Variants in RBBP8 observed in about 807,000 individuals in gnomAD.
RBBP8 encodes the protein DNA endonuclease RBBP8.
RBBP8 carries 88 observed loss-of-function variants against 108.3 expected under a neutral mutation model. That is an observed-to-expected ratio of 0.81 (90% CI 0.68 to 0.97). The LOEUF (loss-of-function observed/expected upper bound fraction) is 0.97. Among genes scored for constraint, RBBP8 ranks in the 50% least tolerant of loss-of-function variants. The probability of loss-of-function intolerance (pLI) is 0.00; values close to 1 mark genes in which losing one functional copy is unlikely to be tolerated. For missense variants in RBBP8, 1,023 were observed against 1,049.0 expected (o/e 0.98, Z 0.34); for synonymous variants, 332 against 348.2 (o/e 0.95, Z 0.52).
At chr18:22,986,255 G>C (rs966339720) in intron 8 of RBBP8, among the ~76,000 whole-genome samples, 4 of 152,148 alleles carry the variant, frequency 2.6e-5, no homozygotes, top group African/African-American at 9.7e-5. Flanking sequence ...AAGCCAAGTG[G>C]AGAGAGGACG....
At chr18:22,951,467 A>G (rs934827388) in intron 4 of RBBP8, among the ~76,000 whole-genome samples, 1 of 151,518 alleles carries the variant, frequency 6.6e-6, no homozygotes, top group African/African-American at 2.4e-5. Context: ...ATCTGTGTAG[A>G]AAAAAAAACC....
chr18:23,001,763 A>G, intron 15 of RBBP8, 34 bp downstream of exon 15: 1 of 1,612,194 alleles, frequency 6.2e-7, no homozygotes, highest in Non-Finnish European at 8.5e-7. Flanking sequence ...ATGGCTTCTC[A>G]GTTGCAGAAT....
At chr18:22,972,574 C>T (rs753582317) in intron 5 of RBBP8, among the ~76,000 whole-genome samples, 10 of 151,730 alleles carry the variant, frequency 6.6e-5, no homozygotes, top group Non-Finnish European at 1.2e-4. Flanking sequence ...CGACCACGCC[C>T]GACTAATTTT....
At chr18:22,993,945 A>G (rs2045798736) in intron 12 of RBBP8, 98 bp downstream of exon 12, 2 of 1,319,012 alleles carry the variant, frequency 1.5e-6, no homozygotes, top group Non-Finnish European at 2.1e-6. Flanking sequence ...TTGGAAAAAA[A>G]CTTATTTCTT....
chr18:22,922,944 A>G (rs56047693), intron 3 of RBBP8, among the ~76,000 whole-genome samples: 25,551 of 152,140 alleles, frequency 0.17, 2,717 homozygotes, highest in African/African-American at 0.31. Context: ...ATGTAAATCA[A>G]GATAATACAT....
chr18:23,001,449 A>AT, intron 14 of RBBP8, 137 bp from the exon 15 acceptor site: 1 of 993,748 alleles, frequency 1.0e-6, no homozygotes, highest in Admixed American at 1.9e-5. Flanking sequence ...TATAATCCAT[A>AT]TTTTAACAAC....
chr18:23,012,834 G>A (rs887769221), intron 16 of RBBP8, among the ~76,000 whole-genome samples: 3 of 152,174 alleles, frequency 2.0e-5, no homozygotes, highest in Non-Finnish European at 4.4e-5. Flanking sequence ...TAACTAGAGA[G>A]GAGAAACCAG....
chr18:23,005,391 A>G (rs182631486), intron 15 of RBBP8, among the ~76,000 whole-genome samples: 249 of 152,276 alleles, frequency 1.6e-3, no homozygotes, highest in African/African-American at 5.6e-3. Flanking sequence ...ATCACACTGT[A>G]TAAAGATGTA....
intron 12 of RBBP8, among the ~76,000 whole-genome samples, 167 bp downstream of exon 12, chr18:22,994,014 C>CTTTTTGTTTTT (rs2045801399): frequency 1.3e-5 from 1 of 75,102 alleles, no homozygotes; most frequent in African/African-American, 5.6e-5. Flanking sequence ...TTTTTCTGTT[C>CTTTTTGTTTTT]TTTTTTTTTT....
intron 2 of RBBP8, among the ~76,000 whole-genome samples, chr18:22,942,463 C>G (rs908130481): frequency 2.6e-5 from 4 of 152,036 alleles, no homozygotes; most frequent in Non-Finnish European, 4.4e-5. Flanking sequence ...ACAAAATGCT[C>G]TAATTTCTGT....
chr18:22,939,611 T>C (rs928130793), intron 2 of RBBP8, among the ~76,000 whole-genome samples: 1 of 152,120 alleles, frequency 6.6e-6, no homozygotes, highest in Non-Finnish European at 1.5e-5. Flanking sequence ...AGTTTTGAAA[T>C]ATGAACAACC....
At chr18:23,001,768 C>G in intron 15 of RBBP8, 39 bp downstream of exon 15, 1 of 1,609,166 alleles carries the variant, frequency 6.2e-7, no homozygotes, top group Non-Finnish European at 8.5e-7. Context: ...TTCTCAGTTG[C>G]AGAATTCAGT....
At chr18:22,983,258 CGG>C (rs1167813357) in intron 7 of RBBP8, among the ~76,000 whole-genome samples, 1 of 152,074 alleles carries the variant, frequency 6.6e-6, no homozygotes, top group African/African-American at 2.4e-5. Context: ...GCATGGGGGA[CGG>C]GGGATATATA....
intron 6 of RBBP8, among the ~76,000 whole-genome samples, chr18:22,980,965 C>CTT (rs1167377654): frequency 0.035 from 2,392 of 69,128 alleles, 589 homozygotes; most frequent in East Asian, 0.091. Context: ...CCACTTATGT[C>CTT]TTTTTTTTTT....
At chr18:22,970,037 G>C (rs944843851) in intron 5 of RBBP8, among the ~76,000 whole-genome samples, 2 of 152,166 alleles carry the variant, frequency 1.3e-5, no homozygotes, top group African/African-American at 4.8e-5. Flanking sequence ...CTTATATAAA[G>C]TCACATAGTA....
At chr18:22,970,710 A>G (rs1244968333) in intron 5 of RBBP8, among the ~76,000 whole-genome samples, 1 of 152,156 alleles carries the variant, frequency 6.6e-6, no homozygotes, top group Non-Finnish European at 1.5e-5. Flanking sequence ...CCAGTCTTAA[A>G]TTGCCCTATT....
At chr18:22,919,617 T>A (rs1488950468) in intron 3 of RBBP8, among the ~76,000 whole-genome samples, 2 of 152,162 alleles carry the variant, frequency 1.3e-5, no homozygotes, top group African/African-American at 4.8e-5. Flanking sequence ...AGTGGCATGA[T>A]CTTGGCTTAC....
In RBBP8 at chr18:23,019,135, G is replaced by A. The variant is rs182047837; in HGVS notation, c.2454+2211G>A. ...TTCGTGAGTTTTCATTACACAAATT[G>A]AATATATCACGATGTCTTAAAGAAT... is the stretch of plus-strand genomic sequence containing the variant. On this transcript the variant is annotated intron_variant, in intron 17 of 18. Transcript: ENST00000327155. Among the ~76,000 whole-genome samples the A allele has an allele frequency of 1.4e-3, 209 of 152,230 alleles. 6 individuals carry two copies. In the East Asian group the frequency reaches 0.021, roughly 15 times the overall value.
intron 3 of RBBP8, among the ~76,000 whole-genome samples, chr18:22,924,364 T>C (rs1461761066): frequency 2.0e-5 from 3 of 152,114 alleles, no homozygotes; most frequent in South Asian, 2.1e-4. Context: ...CTTGACCTCA[T>C]GATCTGCCTG....
Sources: allele counts gnomAD v4.1 joint callset (sites outside exome capture counted in the v4.1 genomes callset), GRCh38; gene constraint gnomAD v4.1.1; transcripts MANE v1.5; gene names NCBI Gene and HGNC (gene_info 2026-07-23, HGNC 2026-07-21).